Variants in DSCC1 observed in about 807,000 individuals in gnomAD.
DSCC1 encodes the protein DNA replication and sister chromatid cohesion 1, also known as sister chromatid cohesion protein DCC1.
In DSCC1, 32 loss-of-function variants were observed where a neutral mutation model predicts 48.2. That is an observed-to-expected ratio of 0.66 (90% confidence interval 0.50 to 0.89). The LOEUF is 0.89. DSCC1 is among the 40% of genes least tolerant of loss of function. DSCC1 has a pLI of 0.00. For synonymous variants in DSCC1, 150 were observed against 171.5 expected, an observed-to-expected ratio of 0.87 and a Z score of 0.98; for missense variants, 421 against 471.7, an observed-to-expected ratio of 0.89 and a Z score of 1.00.
At chr8:119,847,920 C>A (rs1826882766) in intron 3 of DSCC1, among the ~76,000 whole-genome samples, 1 of 151,946 alleles carries the variant, frequency 6.6e-6, no homozygotes, top group South Asian at 2.1e-4. Flanking sequence ...CCGCCTTGGT[C>A]CCCCAAAGTG....
At chr8:119,842,027 C>T (rs1313254344) in intron 6 of DSCC1, 79 bp from the exon 7 acceptor site, 2 of 1,479,194 alleles carry the variant, frequency 1.4e-6, no homozygotes, top group Non-Finnish European at 1.8e-6. Context: ...TTCTTTGCTG[C>T]AGTTTCTTGA....
At chr8:119,843,808 ACT>A (rs1207599904) in intron 4 of DSCC1, 61 bp from the exon 5 acceptor site, 55 of 1,527,152 alleles carry the variant, frequency 3.6e-5, no homozygotes, top group Non-Finnish European at 4.6e-5. Context: ...CAGGGTCTCA[ACT>A]CTGTCACCCA....
chr8:119,843,827 A>G, intron 4 of DSCC1, 80 bp from the exon 5 acceptor site: 1 of 1,434,404 alleles, frequency 7.0e-7, no homozygotes, highest in Non-Finnish European at 9.4e-7. Context: ...CCCAAGCTGG[A>G]GTTCAGTGGC....
At chr8:119,852,004 T>G (rs966792997) in intron 2 of DSCC1, among the ~76,000 whole-genome samples, 2 of 152,192 alleles carry the variant, frequency 1.3e-5, no homozygotes, top group African/African-American at 4.8e-5. Flanking sequence ...AATGAAAGAC[T>G]TAAAACCTAC....
intron 8 of DSCC1, among the ~76,000 whole-genome samples, chr8:119,837,779 G>A (rs1586575002): frequency 6.6e-6 from 1 of 152,228 alleles, no homozygotes; most frequent in African/African-American, 2.4e-5. Flanking sequence ...TGGGTAAAGA[G>A]AAGAAAGAGC....
At position 119,855,597 on chromosome 8, in the gene DSCC1, G is replaced by C; in HGVS notation, c.182+17C>G. The stretch of plus-strand genomic sequence containing the variant: ...TGGCCGGCCAGAGGCTGGGGGCGCC[G>C]CGTGACCAGGGCTCACCTGTGTCCA... On this transcript the variant is annotated intron_variant, in intron 1 of 8. Transcript: ENST00000313655. 1 of 1,532,018 alleles carries C rather than the reference G, an allele frequency of 6.5e-7. No individual in the cohort carries two copies. Among genetic ancestry groups the C allele is most frequent in the Non-Finnish European group, 8.8e-7 (1 of 1,141,460 alleles). 94.9% of individuals were successfully genotyped at this position (1,532,018 alleles called of 1,614,324 possible). A position where few individuals can be genotyped will look rare whatever the true frequency, so the allele number is the denominator to read the frequency against.
intron 1 of DSCC1, 48 bp downstream of exon 1, chr8:119,855,566 A>C (rs971219508): frequency 8.6e-6 from 13 of 1,514,130 alleles, no homozygotes; most frequent in Middle Eastern, 2.0e-4. Context: ...CGCTGAGAAA[A>C]TAACGTGGCC....
chr8:119,854,592 C>A (rs79205204), intron 1 of DSCC1, among the ~76,000 whole-genome samples: 7,008 of 152,234 alleles, frequency 0.046, 269 homozygotes, highest in South Asian at 0.13. Flanking sequence ...TATACCATCA[C>A]TCCCTACACC....
At position 119,847,371 on chromosome 8, in the gene DSCC1, A is replaced by G. The variant is rs78240205; in HGVS notation, c.487-291T>C. ...ATCAATTGGACATCATCAAAATAAT[A>G]AACTTTTGCACTTCAAAACACTATC... On this transcript the variant is annotated intron_variant, in intron 3 of 8. Transcript: ENST00000313655. Among the ~76,000 whole-genome samples, 676 of 152,334 alleles carry G rather than the reference A, an allele frequency of 4.4e-3. 31 individuals are homozygous for G. In the East Asian group the frequency reaches 0.12, roughly 28 times the overall value.
chr8:119,834,855 A>G lies in DSCC1; in HGVS notation c.*38T>C. On this transcript the variant is annotated 3_prime_UTR_variant, in exon 9 of 9. Coordinates refer to ENST00000313655, the MANE Select transcript of DSCC1 (RefSeq NM_024094.3). ...TTTTTCTTCTATCCAGCAACTTTAT[A>G]AAGCAACTTGAGTCCTGAAGAAAAG... The G allele has an allele frequency of 2.2e-6, 3 of 1,388,558 alleles. No homozygotes were observed. The highest frequency in any genetic ancestry group is 3.0e-6 in the Non-Finnish European group (3 of 985,616). 86.0% of individuals were successfully genotyped at this position (1,388,558 alleles called of 1,614,324 possible). A position where few individuals can be genotyped will look rare whatever the true frequency, so the allele number is the denominator to read the frequency against.
chr8:119,849,054 G>A (rs11985300), intron 3 of DSCC1, among the ~76,000 whole-genome samples: 104,390 of 151,238 alleles, frequency 0.69, 36,860 homozygotes, highest in African/African-American at 0.83. Context: ...GCGCGGTGGC[G>A]GGCGCCTGTA....
intron 5 of DSCC1, 43 bp downstream of exon 5, chr8:119,843,565 TC>T (rs746070952): frequency 6.3e-7 from 1 of 1,580,150 alleles, no homozygotes; most frequent in Non-Finnish European, 8.6e-7. Context: ...ACAACTCCCT[TC>T]CCCTTAAGGA....
At chr8:119,850,275 T>C in intron 3 of DSCC1, 107 bp downstream of exon 3, 1 of 1,173,850 alleles carries the variant, frequency 8.5e-7, no homozygotes, top group Non-Finnish European at 1.1e-6. Flanking sequence ...AACACAAGCA[T>C]TTATAACAGC....
At chr8:119,845,142 G>C (rs549454002) in intron 4 of DSCC1, among the ~76,000 whole-genome samples, 9 of 151,858 alleles carry the variant, frequency 5.9e-5, no homozygotes, top group Non-Finnish European at 1.0e-4. Flanking sequence ...TGGAGGCGTA[G>C]TGGCACGATC....
rs141476015 is a variant in DSCC1, at chr8:119,844,704, T to C, written c.578-957A>G. On this transcript the variant is annotated intron_variant, in intron 4 of 8. Coordinates refer to ENST00000313655, the MANE Select transcript of DSCC1 (RefSeq NM_024094.3). ...GCTGGGATATTAAAGGCACATACCA[T>C]GGCACCCCCTCTCTCCAGTGCTTTG... is the stretch of plus-strand genomic sequence containing the variant. 1.6e-4 allele frequency among the ~76,000 whole-genome samples: 24 copies of C among 152,042 alleles called. No individual in the cohort carries two copies. The East Asian group carries it at 4.3e-3, about 27-fold the overall frequency.
Position 119,834,843 on chromosome 8 carries a change from CA to C in DSCC1, c.*49del. On this transcript the variant is annotated 3_prime_UTR_variant, in exon 9 of 9. Coordinates refer to ENST00000313655, the MANE Select transcript of DSCC1 (RefSeq NM_024094.3). ...AAGTACAAGTTATTTTTCTTCTATC[CA>C]GCAACTTTATAAAGCAACTTGAGTC... The C allele has an allele frequency of 5.5e-6, 7 of 1,264,016 alleles. No individual in the cohort carries two copies. The highest frequency in any genetic ancestry group is 8.0e-6 in the Non-Finnish European group (7 of 875,350). The allele number at this position is 1,264,016 out of a possible 1,614,324, so 78.3% of individuals were successfully genotyped here. A position where few individuals can be genotyped will look rare whatever the true frequency, so the allele number is the denominator to read the frequency against.
chr8:119,847,218 T>A, intron 3 of DSCC1, 138 bp from the exon 4 acceptor site: 1 of 664,872 alleles, frequency 1.5e-6, no homozygotes, highest in Non-Finnish European at 2.5e-6. Flanking sequence ...TGTTAACATG[T>A]AATGATTTCT....
In DSCC1 at chr8:119,850,624, A is replaced by C. The variant is rs183965458; in HGVS notation, c.352-108T>G. On this transcript the variant is annotated intron_variant, in intron 2 of 8. Coordinates refer to ENST00000313655, the MANE Select transcript of DSCC1 (RefSeq NM_024094.3). The stretch of plus-strand genomic sequence containing the variant: ...CCTCAACAAGTACAAAGGAAGCTCC[A>C]AGGTATTCTGCTTTGTATCAGGAAG... 7.9e-6 allele frequency: 8 copies of C among 1,006,904 alleles called. No homozygotes were observed. The Admixed American group carries it at 2.7e-4, about 35-fold the overall frequency. The allele number at this position is 1,006,904 out of a possible 1,614,324, so 62.4% of individuals were successfully genotyped here. A position where few individuals can be genotyped will look rare whatever the true frequency, so the allele number is the denominator to read the frequency against.
chr8:119,840,401 T>A (rs992337540), intron 7 of DSCC1: 1 of 152,078 alleles, frequency 6.6e-6, no homozygotes, highest in African/African-American at 2.4e-5. Flanking sequence ...GGTGACCAGA[T>A]GAAATTAGAG....
Sources: gnomAD v4.1 joint callset for allele counts (sites outside exome capture counted in the v4.1 genomes callset) on GRCh38, gnomAD v4.1.1 for gene constraint, MANE v1.5 for transcripts, NCBI Gene and HGNC (gene_info 2026-07-23, HGNC 2026-07-21) for gene names.